NEDD4: variants seen among roughly 807,000 people sequenced by gnomAD.
The protein encoded by NEDD4 is E3 ubiquitin-protein ligase NEDD4.
NEDD4 carries 99 observed loss-of-function variants against 144.9 expected under a neutral mutation model. The ratio of observed to expected loss-of-function variants is 0.68; its 90% CI spans 0.58 to 0.81. The LOEUF (loss-of-function observed/expected upper bound fraction) is 0.81. NEDD4 is among the 30% of genes least tolerant of loss of function. NEDD4 has a pLI of 0.00. For synonymous variants in NEDD4, 318 were observed against 350.6 expected (o/e 0.91, Z 1.04); for missense variants, 985 against 1,065.9 (o/e 0.92, Z 1.06).
chr15:55,919,256 A>G (rs980844914), intron 5 of NEDD4, among the ~76,000 whole-genome samples: 1 of 152,186 alleles, frequency 6.6e-6, no homozygotes, highest in Non-Finnish European at 1.5e-5. Flanking sequence ...GTGTCATCAC[A>G]GTCACTCTGA....
intron 6 of NEDD4, 35 bp from the exon 7 acceptor site, chr15:55,872,511 A>G (rs185257199): frequency 8.4e-5 from 81 of 961,028 alleles, no homozygotes; most frequent in East Asian, 5.5e-4. Context: ...AAATATATCT[A>G]TAACACCAAA....
intron 2 of NEDD4, among the ~76,000 whole-genome samples, chr15:55,960,011 CTCTCAGCTCCTCAATGTGGTCAA>C (rs1454056446): frequency 6.6e-6 from 1 of 152,150 alleles, no homozygotes; most frequent in Non-Finnish European, 1.5e-5. Context: ...TCTCTACCTC[CTCTCAGCTCCTCAATGTGGTCAA>C]TCCAGATAAC....
At chr15:55,916,364 G>A (rs768555128) in intron 5 of NEDD4, 1 of 1,614,002 alleles carries the variant, frequency 6.2e-7, no homozygotes, top group South Asian at 1.1e-5. Context: ...CATTATCACT[G>A]GTTGAAAAGT....
chr15:55,843,155 C>T (rs1188254879), intron 18 of NEDD4, among the ~76,000 whole-genome samples: 1 of 152,182 alleles, frequency 6.6e-6, no homozygotes. Context: ...TGTGAGGCCT[C>T]CCTAGCCATG....
At chr15:55,852,238 T>G (rs2034009857) in intron 13 of NEDD4, among the ~76,000 whole-genome samples, 186 bp downstream of exon 13, 1 of 151,446 alleles carries the variant, frequency 6.6e-6, no homozygotes, top group Admixed American at 6.6e-5. Context: ...AGAGGTGCAG[T>G]GAGCCACGAT....
At chr15:55,864,447 C>T (rs745677910) in intron 8 of NEDD4, among the ~76,000 whole-genome samples, 3 of 151,720 alleles carry the variant, frequency 2.0e-5, no homozygotes, top group East Asian at 1.9e-4. Context: ...TTTGGGAGGC[C>T]GAGGCGGGCA....
At chr15:55,900,359 A>C (rs540799182) in intron 5 of NEDD4, among the ~76,000 whole-genome samples, 1 of 152,328 alleles carries the variant, frequency 6.6e-6, no homozygotes, top group African/African-American at 2.4e-5. Flanking sequence ...GAGAAGAGCT[A>C]AGTCAGTGAA....
chr15:55,883,960 A>G (rs1349344664), intron 5 of NEDD4, among the ~76,000 whole-genome samples: 1 of 151,486 alleles, frequency 6.6e-6, no homozygotes, highest in East Asian at 1.9e-4. Flanking sequence ...GCTCACTGCA[A>G]TCTCTACCTC....
intron 1 of NEDD4, among the ~76,000 whole-genome samples, chr15:55,970,446 A>G (rs2037588630): frequency 6.6e-6 from 1 of 152,214 alleles, no homozygotes; most frequent in Non-Finnish European, 1.5e-5. Flanking sequence ...AATAGTCACC[A>G]CAAGCCTTAG....
chr15:55,940,518 T>TCTCTCTCTCTCTCTCTCTCTCTCTCTC (rs2036978544), intron 4 of NEDD4, among the ~76,000 whole-genome samples: 8 of 106,274 alleles, frequency 7.5e-5, no homozygotes, highest in East Asian at 6.1e-4. Flanking sequence ...CTCCTCCCCC[T>TCTCTCTCTCTCTCTCTCTCTCTCTCTC]TCTCTCTCTC....
chr15:55,875,087 G>A (rs1312535931), intron 5 of NEDD4, among the ~76,000 whole-genome samples: 3 of 150,712 alleles, frequency 2.0e-5, no homozygotes, highest in Non-Finnish European at 3.0e-5. Flanking sequence ...TACTAGACAT[G>A]CAAAGAAATA....
chr15:55,959,730 C>T (rs568513547), intron 2 of NEDD4, among the ~76,000 whole-genome samples: 3 of 152,152 alleles, frequency 2.0e-5, no homozygotes, highest in East Asian at 3.8e-4. Flanking sequence ...TGGCAAGAAG[C>T]TGAGACGGCC....
At chr15:55,970,091 T>C (rs1235267248) in intron 1 of NEDD4, among the ~76,000 whole-genome samples, 4 of 152,002 alleles carry the variant, frequency 2.6e-5, no homozygotes, top group Non-Finnish European at 5.9e-5. Context: ...TAAAGAGACG[T>C]TGGGCCCTTA....
intron 5 of NEDD4, among the ~76,000 whole-genome samples, chr15:55,893,585 ATTTT>A (rs548893860): frequency 5.4e-4 from 82 of 150,852 alleles, no homozygotes; most frequent in African/African-American, 1.9e-3. Flanking sequence ...AAGACATTTA[ATTTT>A]TTTTTATTTG....
intron 21 of NEDD4, among the ~76,000 whole-genome samples, chr15:55,839,207 T>C (rs1280741670): frequency 2.0e-5 from 3 of 151,856 alleles, no homozygotes; most frequent in African/African-American, 7.3e-5. Context: ...TTTTGTATTT[T>C]TTGTAGAGAC....
At chr15:55,903,841 CA>C (rs1308442899) in intron 5 of NEDD4, among the ~76,000 whole-genome samples, 2 of 33,994 alleles carry the variant, frequency 5.9e-5, no homozygotes, top group African/African-American at 2.2e-4. Context: ...AAAAAAAAAA[CA>C]CACATATATA....
chr15:55,964,653 GTGT>G (rs1566971164), intron 2 of NEDD4, among the ~76,000 whole-genome samples: 2,188 of 19,432 alleles, frequency 0.11, 67 homozygotes, highest in African/African-American at 0.29. Flanking sequence ...TGCTGCTGGT[GTGT>G]GTGTGTGTGT....
intron 4 of NEDD4, among the ~76,000 whole-genome samples, chr15:55,948,202 T>C (rs1343362232): frequency 6.6e-6 from 1 of 152,182 alleles, no homozygotes; most frequent in Non-Finnish European, 1.5e-5. Context: ...CCATTCACAA[T>C]TGCTTCAAAG....
At position 55,852,550 on chromosome 15, in the gene NEDD4, T is replaced by C. The variant is rs1450147113; in HGVS notation, c.1027-7A>G. ...CAGATGAAGTAGGCAAAAGCTAAAG[T>C]GAAGAATAACAGAAGAATTAAATAC... On this transcript the variant is annotated splice_polypyrimidine_tract_variant and splice_region_variant and intron_variant, in intron 12 of 28. Coordinates refer to ENST00000435532, the MANE Select transcript of NEDD4 (RefSeq NM_006154.4). 2.5e-6 allele frequency: 4 copies of C among 1,612,280 alleles called. No individual in the cohort carries two copies. Among genetic ancestry groups the C allele is most frequent in the Non-Finnish European group, 2.5e-6 (3 of 1,179,230 alleles).
Sources: allele counts gnomAD v4.1 joint callset (sites outside exome capture counted in the v4.1 genomes callset), GRCh38; gene constraint gnomAD v4.1.1; transcripts MANE v1.5; gene names NCBI Gene and HGNC (gene_info 2026-07-23, HGNC 2026-07-21).